MAP3K7: variants seen among roughly 807,000 people sequenced by gnomAD.
MAP3K7 encodes mitogen-activated protein kinase kinase kinase 7.
In MAP3K7, 21 loss-of-function variants were observed where a neutral mutation model predicts 84.8. That is an observed-to-expected ratio of 0.25 (90% CI 0.18 to 0.36). The LOEUF (loss-of-function observed/expected upper bound fraction) is 0.36. Among genes scored for constraint, MAP3K7 ranks in the 10% least tolerant of loss-of-function variants. The probability of loss-of-function intolerance (pLI) is 1.00; values close to 1 mark genes in which losing one functional copy is unlikely to be tolerated. For missense variants in MAP3K7, 503 were observed against 747.7 expected (o/e 0.67, Z 3.82); for synonymous variants, 241 against 247.7 (o/e 0.97, Z 0.25).
At chr6:90,547,895 A>C (rs1010919702) in intron 10 of MAP3K7, 152 bp downstream of exon 10, 2 of 581,872 alleles carry the variant, frequency 3.4e-6, no homozygotes, top group African/African-American at 3.9e-5. Flanking sequence ...GGAGAATCTC[A>C]TTACGTGTCT....
intron 12 of MAP3K7, among the ~76,000 whole-genome samples, chr6:90,539,556 G>C (rs1174665544): frequency 1.3e-4 from 19 of 151,708 alleles, no homozygotes; most frequent in Non-Finnish European, 2.9e-5. Flanking sequence ...CTTCATATTG[G>C]TGCTGCAGTA....
At chr6:90,544,686 G>A (rs1310442522) in intron 11 of MAP3K7, 54 bp from the exon 12 acceptor site, 48 of 1,385,390 alleles carry the variant, frequency 3.5e-5, no homozygotes, top group Middle Eastern at 3.6e-4. Flanking sequence ...ACAGTAACAC[G>A]GAAAATGATT....
At chr6:90,573,753 CTA>C (rs1776981486) in intron 1 of MAP3K7, among the ~76,000 whole-genome samples, 1 of 152,230 alleles carries the variant, frequency 6.6e-6, no homozygotes, top group Non-Finnish European at 1.5e-5. Flanking sequence ...TGAACATACT[CTA>C]TATTCAGCTT....
intron 3 of MAP3K7, among the ~76,000 whole-genome samples, chr6:90,562,518 G>A (rs1025593873): frequency 6.6e-6 from 1 of 152,200 alleles, no homozygotes; most frequent in Non-Finnish European, 1.5e-5. Context: ...CGGCAGCGAC[G>A]CTGGGAGAGG....
At chr6:90,573,627 A>T (rs1053773104) in intron 1 of MAP3K7, among the ~76,000 whole-genome samples, 14 of 152,248 alleles carry the variant, frequency 9.2e-5, no homozygotes, top group South Asian at 4.1e-4. Context: ...AACACATTTA[A>T]TCCTCTTCCA....
intron 12 of MAP3K7, 116 bp downstream of exon 12, chr6:90,544,436 T>A (rs1775939751): frequency 1.2e-6 from 1 of 845,058 alleles, no homozygotes; most frequent in East Asian, 2.5e-5. Flanking sequence ...AATTACTGCA[T>A]GCAAGGTATC....
At chr6:90,548,631 T>C (rs935391088) in intron 9 of MAP3K7, among the ~76,000 whole-genome samples, 2 of 152,050 alleles carry the variant, frequency 1.3e-5, no homozygotes, top group African/African-American at 4.8e-5. Context: ...AAGGCCATAA[T>C]AATGAATGAG....
chr6:90,566,479 A>C (rs968580305), intron 3 of MAP3K7, among the ~76,000 whole-genome samples: 1 of 152,160 alleles, frequency 6.6e-6, no homozygotes, highest in Non-Finnish European at 1.5e-5. Context: ...CAAAGAGAAT[A>C]AAATACCTAG....
intron 13 of MAP3K7, among the ~76,000 whole-genome samples, chr6:90,525,256 A>T (rs1343057128): frequency 6.6e-6 from 1 of 152,208 alleles, no homozygotes; most frequent in Non-Finnish European, 1.5e-5. Context: ...TATTAATATC[A>T]GAGAGAATGT....
chr6:90,553,128 T>C (rs140637775), intron 7 of MAP3K7, among the ~76,000 whole-genome samples: 3 of 152,300 alleles, frequency 2.0e-5, no homozygotes, highest in Non-Finnish European at 4.4e-5. Flanking sequence ...TTTATGTATG[T>C]ATTTTTTTAT....
intron 5 of MAP3K7, 132 bp downstream of exon 5, chr6:90,559,944 A>C (rs1776452769): frequency 1.1e-6 from 1 of 930,224 alleles, no homozygotes; most frequent in South Asian, 1.7e-5. Flanking sequence ...AAAAGTAAAC[A>C]CTGAGTAAGC....
intron 3 of MAP3K7, among the ~76,000 whole-genome samples, chr6:90,564,852 G>A (rs983679826): frequency 3.3e-5 from 5 of 152,136 alleles, no homozygotes; most frequent in Non-Finnish European, 5.9e-5. Flanking sequence ...TAAAAGAACA[G>A]AAATTACAAC....
intron 1 of MAP3K7, among the ~76,000 whole-genome samples, chr6:90,585,086 A>C (rs1029558704): frequency 6.6e-6 from 1 of 152,172 alleles, no homozygotes; most frequent in Non-Finnish European, 1.5e-5. Context: ...TTTTGCATAT[A>C]ATGTCTACTA....
At position 90,520,867 on chromosome 6, in the gene MAP3K7, TTCC is replaced by T. The variant is rs540500878; in HGVS notation, c.1463-1551_1463-1549del. ...CTAAAACTGATTAAAAATGACTGAT[TTCC>T]TCCTGATTTACTAGAAAAATTTAAG... On this transcript the variant is annotated intron_variant, in intron 14 of 16. Transcript: ENST00000369329. 8.4e-4 allele frequency among the ~76,000 whole-genome samples: 128 copies of T among 152,180 alleles called. 1 individual carries two copies. The highest frequency in any genetic ancestry group is 1.9e-3 in the Admixed American group (29 of 15,256).
intron 12 of MAP3K7, among the ~76,000 whole-genome samples, chr6:90,539,942 T>C (rs1347179642): frequency 6.6e-6 from 1 of 151,954 alleles, no homozygotes; most frequent in Non-Finnish European, 1.5e-5. Context: ...AAAACCAATA[T>C]ACAATAGAGC....
intron 13 of MAP3K7, among the ~76,000 whole-genome samples, chr6:90,535,450 ACTT>A (rs1478999090): frequency 3.9e-5 from 6 of 151,930 alleles, no homozygotes; most frequent in Non-Finnish European, 5.9e-5. Flanking sequence ...AATACTTAAT[ACTT>A]CTTAATATGT....
intron 13 of MAP3K7, among the ~76,000 whole-genome samples, chr6:90,525,491 C>T (rs1355670236): frequency 4.0e-5 from 6 of 151,854 alleles, no homozygotes; most frequent in South Asian, 2.1e-4. Flanking sequence ...GCCTGGCCAA[C>T]GATTCAAAAT....
chr6:90,542,552 TA>T lies in MAP3K7; in HGVS notation c.1291+1999del, dbSNP rs1323913850. On this transcript the variant is annotated intron_variant, in intron 12 of 16. Coordinates refer to ENST00000369329, the MANE Select transcript of MAP3K7 (RefSeq NM_145331.3). ...ACACTAAGAGAAAGCAAGAAGAAAT[TA>T]CTCTAGCTTCTCTGACTTAAACAAA... The T allele has an allele frequency of 6.8e-5, 61 of 899,998 alleles. No homozygotes were observed. In the African/African-American group the frequency reaches 1.1e-3, roughly 16 times the overall value. The allele number at this position is 899,998 out of a possible 1,614,324, so 55.8% of individuals were successfully genotyped here.
chr6:90,558,826 T>A (rs1562099195), intron 5 of MAP3K7, among the ~76,000 whole-genome samples: 1 of 152,224 alleles, frequency 6.6e-6, no homozygotes, highest in Non-Finnish European at 1.5e-5. Context: ...AGCCAAAACA[T>A]ACTGTAACGA....
Sources: gnomAD v4.1 joint callset for allele counts (sites outside exome capture counted in the v4.1 genomes callset) on GRCh38, gnomAD v4.1.1 for gene constraint, MANE v1.5 for transcripts, NCBI Gene and HGNC (gene_info 2026-07-23, HGNC 2026-07-21) for gene names.